Variants in CSMD3 observed in about 807,000 individuals in gnomAD.
The protein encoded by CSMD3 is CUB and Sushi multiple domains 3.
Under a neutral mutation model 435.2 loss-of-function variants are expected in CSMD3, and 177 were observed. That is an observed-to-expected ratio of 0.41 (90% CI 0.36 to 0.46). The LOEUF (loss-of-function observed/expected upper bound fraction) is 0.46, where lower values mean the gene tolerates loss of function less well. CSMD3 is among the 20% of genes least tolerant of loss of function. The probability of loss-of-function intolerance (pLI) is 0.34; values close to 1 mark genes in which losing one functional copy is unlikely to be tolerated. For missense variants in CSMD3, 4,265 were observed against 4,504.6 expected (o/e 0.95, Z 1.52); for synonymous variants, 1,656 against 1,520.5 (o/e 1.09, Z -2.07).
intron 5 of CSMD3, among the ~76,000 whole-genome samples, chr8:113,027,735 C>T (rs1469104746): frequency 6.6e-6 from 1 of 151,992 alleles, no homozygotes; most frequent in Non-Finnish European, 1.5e-5. Flanking sequence ...CTCTTAACCA[C>T]ACACCATAAA....
At chr8:112,231,145 T>C (rs1056292308) in intron 69 of CSMD3, among the ~76,000 whole-genome samples, 6 of 152,372 alleles carry the variant, frequency 3.9e-5, no homozygotes, top group African/African-American at 1.4e-4. Flanking sequence ...TTTCTCAGAG[T>C]GTCACTACAT....
intron 13 of CSMD3, among the ~76,000 whole-genome samples, chr8:112,691,094 A>C (rs2076126640): frequency 2.0e-5 from 3 of 152,106 alleles, no homozygotes; most frequent in African/African-American, 7.2e-5. Flanking sequence ...AAAACTATGC[A>C]GTATTGTTTC....
At position 113,211,906 on chromosome 8, in the gene CSMD3, C is replaced by T. The variant is rs368335366; in HGVS notation, c.515-37990G>A. Among the ~76,000 whole-genome samples the T allele has an allele frequency of 1.6e-4, 24 of 152,194 alleles. 1 individual carries two copies. The East Asian group carries it at 4.1e-3, about 26-fold the overall frequency. ...GCTATCTCTAACTTTCAGGTTCTCACAACAAAGTGCCATGTATGAAAAAAG... is the reference window on the plus strand; with the variant it reads ...GCTATCTCTAACTTTCAGGTTCTCATAACAAAGTGCCATGTATGAAAAAAG... On this transcript the variant is annotated intron_variant, in intron 3 of 70. Transcript: ENST00000297405.
At chr8:112,709,549 A>C (rs1300556819) in intron 13 of CSMD3, among the ~76,000 whole-genome samples, 1 of 152,122 alleles carries the variant, frequency 6.6e-6, no homozygotes, top group East Asian at 1.9e-4. Context: ...TACAATTCAG[A>C]GAAACAGAAA....
intron 4 of CSMD3, among the ~76,000 whole-genome samples, chr8:113,165,751 G>T (rs1175935888): frequency 6.6e-6 from 1 of 151,686 alleles, no homozygotes; most frequent in East Asian, 1.9e-4. Context: ...GATAGATGAA[G>T]GAATAAAAAA....
intron 61 of CSMD3, among the ~76,000 whole-genome samples, chr8:112,256,536 T>G (rs546073255): frequency 6.6e-6 from 1 of 152,282 alleles, no homozygotes; most frequent in African/African-American, 2.4e-5. Flanking sequence ...TAGAGGAAGA[T>G]TAGGAGGCCT....
chr8:112,623,629 A>T (rs58898092), intron 22 of CSMD3, among the ~76,000 whole-genome samples: 81,386 of 148,672 alleles, frequency 0.55, 22,558 homozygotes, highest in African/African-American at 0.6. Flanking sequence ...CTCGTCATCT[A>T]GCATTAGGTA....
At chr8:112,380,579 C>A (rs1011304533) in intron 37 of CSMD3, 123 bp from the exon 38 acceptor site, 22 of 637,914 alleles carry the variant, frequency 3.4e-5, no homozygotes, top group Non-Finnish European at 5.6e-5. Context: ...AGTTGTTTTT[C>A]AAAAAAAATT....
intron 16 of CSMD3, among the ~76,000 whole-genome samples, chr8:112,676,814 G>T (rs1336653611): frequency 1.3e-5 from 2 of 152,036 alleles, no homozygotes; most frequent in African/African-American, 4.8e-5. Context: ...CACTTAGAAA[G>T]ATAACTTTCT....
intron 1 of CSMD3, among the ~76,000 whole-genome samples, chr8:113,415,757 G>A (rs948015483): frequency 6.6e-6 from 1 of 152,046 alleles, no homozygotes; most frequent in Non-Finnish European, 1.5e-5. Flanking sequence ...ACTTTGGGTA[G>A]GGTTGTCATA....
At chr8:112,489,947 G>A (rs1820524515) in intron 31 of CSMD3, among the ~76,000 whole-genome samples, 1 of 151,966 alleles carries the variant, frequency 6.6e-6, no homozygotes, top group South Asian at 2.1e-4. Flanking sequence ...CTGTTTTTCA[G>A]GAGTGAATGA....
intron 36 of CSMD3, among the ~76,000 whole-genome samples, chr8:112,386,844 A>AACTTTGCG (rs1231367514): frequency 6.6e-6 from 1 of 152,198 alleles, no homozygotes; most frequent in Admixed American, 6.5e-5. Context: ...TGTTCAGAGT[A>AACTTTGCG]ACTTTGCGTT....
intron 1 of CSMD3, among the ~76,000 whole-genome samples, chr8:113,390,100 T>A (rs2133148007): frequency 6.6e-6 from 1 of 152,006 alleles, no homozygotes; most frequent in East Asian, 1.9e-4. Context: ...TGACTCCACA[T>A]TGTCAATTTA....
Position 113,202,818 on chromosome 8 carries a change from G to T in CSMD3, c.515-28902C>A, listed in dbSNP as rs189401319. ...AGACTTTATACTAACATATAGTATA[G>T]GTTTGAATATATAGCTCTACAATGA... is the stretch of plus-strand genomic sequence containing the variant. On this transcript the variant is annotated intron_variant, in intron 3 of 70. Coordinates refer to ENST00000297405, the MANE Select transcript of CSMD3 (RefSeq NM_198123.2). Among the ~76,000 whole-genome samples the T allele has an allele frequency of 2.4e-4, 36 of 152,178 alleles. No homozygotes were observed. In the East Asian group the frequency reaches 4.3e-3, roughly 18 times the overall value.
chr8:113,320,513 T>C (rs1245108112), intron 1 of CSMD3, among the ~76,000 whole-genome samples: 2 of 152,088 alleles, frequency 1.3e-5, no homozygotes, highest in South Asian at 2.1e-4. Flanking sequence ...CACACTTGTG[T>C]TTACTTTCTC....
intron 17 of CSMD3, among the ~76,000 whole-genome samples, chr8:112,658,683 C>T (rs1722432257): frequency 6.6e-6 from 1 of 152,086 alleles, no homozygotes; most frequent in African/African-American, 2.4e-5. Flanking sequence ...CTAGGCCAGG[C>T]ACAGTGGCTT....
At chr8:112,958,692 A>G (rs1315762798) in intron 7 of CSMD3, among the ~76,000 whole-genome samples, 5 of 152,220 alleles carry the variant, frequency 3.3e-5, no homozygotes, top group Admixed American at 3.3e-4. Context: ...TGCCTACTAT[A>G]AAAATTAACC....
At chr8:112,830,166 TGGTTTTCC>T (rs200081492) in intron 11 of CSMD3, among the ~76,000 whole-genome samples, 3,221 of 152,146 alleles carry the variant, frequency 0.021, 55 homozygotes, top group Middle Eastern at 0.045. Context: ...AGGTGGAGAG[TGGTTTTCC>T]ACATATTTGC....
intron 1 of CSMD3, among the ~76,000 whole-genome samples, chr8:113,386,731 C>G (rs1219770380): frequency 1.3e-5 from 2 of 151,940 alleles, no homozygotes; most frequent in Admixed American, 6.6e-5. Context: ...ACCACTACAT[C>G]AGAATAAACT....
Sources: gnomAD v4.1 joint callset for allele counts (sites outside exome capture counted in the v4.1 genomes callset) on GRCh38, gnomAD v4.1.1 for gene constraint, MANE v1.5 for transcripts, NCBI Gene and HGNC (gene_info 2026-07-23, HGNC 2026-07-21) for gene names.